Variants in APBB2 observed in about 807,000 individuals in gnomAD.
APBB2 encodes amyloid beta precursor protein binding family B member 2.
In APBB2, 38 loss-of-function variants were observed where a neutral mutation model predicts 82.5. The ratio of observed to expected loss-of-function variants is 0.46; its 90% CI spans 0.36 to 0.60. APBB2 has a LOEUF of 0.60. Among genes scored for constraint, APBB2 ranks in the 20% least tolerant of loss-of-function variants. The probability of loss-of-function intolerance (pLI) is 0.00; values close to 1 mark genes in which losing one functional copy is unlikely to be tolerated. For synonymous variants in APBB2, 341 were observed against 368.2 expected (o/e 0.93, Z 0.85); for missense variants, 772 against 972.3 (o/e 0.79, Z 2.74).
intron 10 of APBB2, 69 bp from the exon 11 acceptor site, chr4:40,893,480 C>A: frequency 7.0e-7 from 1 of 1,433,072 alleles, no homozygotes; most frequent in Non-Finnish European, 9.3e-7. Flanking sequence ...TTACACTACT[C>A]CCCTCCCGCA....
At chr4:41,039,561 A>G (rs1028933007) in intron 4 of APBB2, among the ~76,000 whole-genome samples, 6 of 152,204 alleles carry the variant, frequency 3.9e-5, no homozygotes, top group Non-Finnish European at 7.3e-5. Flanking sequence ...TAAGCATTCA[A>G]TAAGTGCTAA....
chr4:41,078,592 T>A (rs1164090608), intron 3 of APBB2, among the ~76,000 whole-genome samples: 3 of 152,206 alleles, frequency 2.0e-5, no homozygotes, highest in Admixed American at 6.6e-5. Context: ...CAAATATGCC[T>A]AAATCTTCAC....
intron 6 of APBB2, among the ~76,000 whole-genome samples, chr4:40,950,116 C>T (rs927394113): frequency 6.6e-6 from 1 of 152,134 alleles, no homozygotes; most frequent in Non-Finnish European, 1.5e-5. Flanking sequence ...CTTAAAATGC[C>T]TCAAGTCACA....
At chr4:41,046,443 A>G (rs1723454586) in intron 4 of APBB2, among the ~76,000 whole-genome samples, 1 of 152,262 alleles carries the variant, frequency 6.6e-6, no homozygotes, top group African/African-American at 2.4e-5. Flanking sequence ...CAACCAAGAG[A>G]TGCCAGTGGC....
rs1560914676 is a variant in APBB2 at position 41,160,031 on chromosome 4, A to AGAAGAAGAAGAG, written c.-416-16890_-416-16889insCTCTTCTTCTTC. Among the ~76,000 whole-genome samples the AGAAGAAGAAGAG allele has an allele frequency of 6.8e-5, 10 of 147,334 alleles. No individual in the cohort carries two copies. The East Asian group carries it at 1.8e-3, about 26-fold the overall frequency. On this transcript the variant is annotated intron_variant, in intron 1 of 17. Coordinates refer to ENST00000508593, the MANE Select transcript of APBB2 (RefSeq NM_004307.2). ...AAGAAGAAGAAGAAGAAGAAGAAGA[A>AGAAGAAGAAGAG]GAAGAAAACATCACAGGATGCTGTT...
At chr4:41,169,879 G>A (rs1230077631) in intron 1 of APBB2, among the ~76,000 whole-genome samples, 8 of 151,712 alleles carry the variant, frequency 5.3e-5, no homozygotes. Context: ...AAGAAGATAA[G>A]ATCTAGAAAC....
chr4:41,143,731 A>G (rs1345605135), intron 1 of APBB2, among the ~76,000 whole-genome samples: 1 of 152,270 alleles, frequency 6.6e-6, no homozygotes, highest in Non-Finnish European at 1.5e-5. Flanking sequence ...TGAATGGTGT[A>G]ATAGAAAATT....
At chr4:41,109,384 G>C (rs1420160202) in intron 2 of APBB2, among the ~76,000 whole-genome samples, 3 of 151,644 alleles carry the variant, frequency 2.0e-5, no homozygotes, top group African/African-American at 4.8e-5. Flanking sequence ...TCCACCTCCC[G>C]GGTTCAAGCA....
At chr4:41,109,095 T>C (rs1446266199) in intron 2 of APBB2, among the ~76,000 whole-genome samples, 1 of 152,106 alleles carries the variant, frequency 6.6e-6, no homozygotes, top group African/African-American at 2.4e-5. Context: ...TTTGCTATGT[T>C]ATTTCACTTT....
chr4:40,914,396 A>AT (rs1779339371), intron 10 of APBB2, among the ~76,000 whole-genome samples: 2 of 152,028 alleles, frequency 1.3e-5, no homozygotes, highest in African/African-American at 4.8e-5. Context: ...AAACAAAAAA[A>AT]TAAAAATCAT....
At chr4:41,057,038 A>T (rs898298441) in intron 4 of APBB2, among the ~76,000 whole-genome samples, 8 of 152,124 alleles carry the variant, frequency 5.3e-5, no homozygotes, top group African/African-American at 1.9e-4. Context: ...AAAATTGGAC[A>T]CTCCTAGGGA....
intron 1 of APBB2, chr4:41,193,578 T>C: frequency 2.0e-6 from 2 of 985,132 alleles, no homozygotes; most frequent in South Asian, 9.4e-5. Context: ...GGTAAGCTAC[T>C]TTTTGTCAGT....
intron 5 of APBB2, among the ~76,000 whole-genome samples, chr4:41,031,390 A>T (rs1402239424): frequency 6.6e-6 from 1 of 152,216 alleles, no homozygotes; most frequent in Non-Finnish European, 1.5e-5. Flanking sequence ...TTGAATTTTC[A>T]AGTGAAAAAA....
intron 4 of APBB2, among the ~76,000 whole-genome samples, chr4:41,059,374 T>C (rs1425247595): frequency 6.6e-6 from 1 of 152,224 alleles, no homozygotes; most frequent in African/African-American, 2.4e-5. Context: ...GACAGGAGAA[T>C]TGCTTGAACC....
At chr4:40,978,524 T>TA (rs1308244959) in intron 6 of APBB2, among the ~76,000 whole-genome samples, 1 of 152,200 alleles carries the variant, frequency 6.6e-6, no homozygotes, top group Non-Finnish European at 1.5e-5. Flanking sequence ...ATCATATTTA[T>TA]AATTAAATTA....
At chr4:41,026,219 AT>A (rs1180947482) in intron 5 of APBB2, among the ~76,000 whole-genome samples, 3 of 152,170 alleles carry the variant, frequency 2.0e-5, no homozygotes, top group Admixed American at 2.0e-4. Context: ...AGCAGAAAAG[AT>A]AACTATTGGG....
intron 3 of APBB2, among the ~76,000 whole-genome samples, chr4:41,069,015 C>T (rs566952726): frequency 2.0e-5 from 3 of 151,962 alleles, no homozygotes; most frequent in South Asian, 2.1e-4. Flanking sequence ...AGGATGGTCT[C>T]GATCTCTTGA....
intron 1 of APBB2, among the ~76,000 whole-genome samples, chr4:41,171,622 T>G (rs1191382838): frequency 1.3e-5 from 2 of 152,226 alleles, no homozygotes; most frequent in Admixed American, 6.5e-5. Flanking sequence ...TGACCCAGAA[T>G]GAGCCTTATA....
At position 41,111,022 on chromosome 4, in the gene APBB2, A is replaced by C. The variant is rs182828593; in HGVS notation, c.-260-10272T>G. On this transcript the variant is annotated intron_variant, in intron 2 of 17. Coordinates refer to ENST00000508593, the MANE Select transcript of APBB2 (RefSeq NM_004307.2). ...ATCCCATCTGGGGGTGATGGGAGAC[A>C]GTACCAGATCATCAGGCATTAGATT... Among the ~76,000 whole-genome samples, 180 of 152,362 alleles carry C rather than the reference A, an allele frequency of 1.2e-3. 2 individuals are homozygous for C. Among genetic ancestry groups the C allele is most frequent in the Non-Finnish European group, 1.8e-3 (121 of 68,032 alleles).
Sources: allele counts gnomAD v4.1 joint callset (sites outside exome capture counted in the v4.1 genomes callset), GRCh38; gene constraint gnomAD v4.1.1; transcripts MANE v1.5; gene names NCBI Gene and HGNC (gene_info 2026-07-23, HGNC 2026-07-21).